Variants in RBFOX2 observed in about 807,000 individuals in gnomAD.
RBFOX2 encodes RNA binding protein fox-1 homolog 2.
A neutral mutation model predicts 49.1 loss-of-function variants in RBFOX2; 10 were observed. The observed-to-expected ratio is 0.20, with a 90% CI of 0.13 to 0.35. The LOEUF (loss-of-function observed/expected upper bound fraction) is 0.35, where lower values mean the gene tolerates loss of function less well. RBFOX2 is among the 10% of genes least tolerant of loss of function. RBFOX2 has a pLI of 1.00. For missense variants in RBFOX2, 323 were observed against 486.9 expected (o/e 0.66, Z 3.17); for synonymous variants, 183 against 187.4 (o/e 0.98, Z 0.19).
At position 35,979,272 on chromosome 22, in the gene RBFOX2, T is replaced by A. The variant is rs143694235; in HGVS notation, c.187-40375A>T. ...CAGGCTGAAGAGGTCTGAGGCGACA[T>A]GCAACTAAATGCAACGCATATTCCT... On this transcript the variant is annotated intron_variant, in intron 1 of 13. Coordinates refer to the RBFOX2 transcript ENST00000438146. 1.8e-3 allele frequency among the ~76,000 whole-genome samples: 276 copies of A among 152,278 alleles called. 3 individuals are homozygous for A. Among genetic ancestry groups the A allele is most frequent in the African/African-American group, 6.4e-3 (265 of 41,542 alleles).
chr22:36,024,036 A>T (rs564591343), intron 1 of RBFOX2, among the ~76,000 whole-genome samples: 1 of 152,236 alleles, frequency 6.6e-6, no homozygotes, highest in Non-Finnish European at 1.5e-5. Context: ...TTTAGTAAGC[A>T]GCCTTGGGAA....
At chr22:35,937,557 AGTTTTTGTTTTTTTGTAGTTGTT>A (rs1290694299) in intron 1 of RBFOX2, among the ~76,000 whole-genome samples, 9 of 151,916 alleles carry the variant, frequency 5.9e-5, no homozygotes, top group Non-Finnish European at 1.0e-4. Context: ...CAACCATCCT[AGTTTTTGTTTTTTTGTAGTTGTT>A]GTTTTTGTTT....
intron 1 of RBFOX2, among the ~76,000 whole-genome samples, chr22:35,937,407 G>A (rs2053210795): frequency 6.6e-6 from 1 of 152,144 alleles, no homozygotes; most frequent in South Asian, 2.1e-4. Flanking sequence ...CTCAGTAGGG[G>A]ATGAACACAG....
chr22:35,831,272 T>C, intron 1 of RBFOX2, among the ~76,000 whole-genome samples: 1 of 152,104 alleles, frequency 6.6e-6, no homozygotes, highest in East Asian at 1.9e-4. Context: ...TGAAATCCTG[T>C]CTCTACTAAA....
At chr22:35,791,044 C>A (rs1947504984) in intron 2 of RBFOX2, among the ~76,000 whole-genome samples, 2 of 151,414 alleles carry the variant, frequency 1.3e-5, no homozygotes, top group Non-Finnish European at 2.9e-5. Context: ...ACAAAAAAAG[C>A]AAGCAAGGAA....
chr22:36,019,630 G>C (rs572929991), intron 1 of RBFOX2, among the ~76,000 whole-genome samples: 2 of 152,290 alleles, frequency 1.3e-5, no homozygotes, highest in Admixed American at 1.3e-4. Context: ...TTTGGTAAAT[G>C]GAGAAGCCAG....
intron 4 of RBFOX2, among the ~76,000 whole-genome samples, chr22:35,776,595 A>G (rs1264574863): frequency 6.6e-6 from 1 of 152,232 alleles, no homozygotes; most frequent in Non-Finnish European, 1.5e-5. Context: ...GGAGTATGAA[A>G]TTGGAGAGGT....
chr22:35,880,024 C>T (rs1015719470), intron 1 of RBFOX2, among the ~76,000 whole-genome samples: 1 of 152,100 alleles, frequency 6.6e-6, no homozygotes, highest in African/African-American at 2.4e-5. Context: ...GGCATGGTGG[C>T]GCATACCTGT....
intron 4 of RBFOX2, among the ~76,000 whole-genome samples, chr22:35,773,205 A>C (rs1404845087): frequency 6.6e-6 from 1 of 152,052 alleles, no homozygotes; most frequent in Non-Finnish European, 1.5e-5. Flanking sequence ...TTTTGATAAT[A>C]TTTTGAAAGA....
At chr22:35,979,414 T>A (rs1800334955) in intron 1 of RBFOX2, among the ~76,000 whole-genome samples, 1 of 152,194 alleles carries the variant, frequency 6.6e-6, no homozygotes, top group African/African-American at 2.4e-5. Context: ...GATTTGGAGA[T>A]CTCTGCCAGT....
intron 4 of RBFOX2, among the ~76,000 whole-genome samples, chr22:35,768,838 T>A (rs1379132229): frequency 2.0e-5 from 3 of 152,176 alleles, no homozygotes; most frequent in Non-Finnish European, 2.9e-5. Context: ...CATTGCATAA[T>A]GAGATTTTTT....
intron 6 of RBFOX2, among the ~76,000 whole-genome samples, chr22:35,761,854 T>A (rs920048636): frequency 5.3e-5 from 8 of 152,244 alleles, no homozygotes; most frequent in Admixed American, 1.3e-4. Flanking sequence ...CATGCTGTGA[T>A]GCATTTTCTC....
At chr22:35,850,347 C>A (rs1428249118) in intron 1 of RBFOX2, among the ~76,000 whole-genome samples, 1 of 152,044 alleles carries the variant, frequency 6.6e-6, no homozygotes, top group African/African-American at 2.4e-5. Flanking sequence ...GTAAGGGGAT[C>A]CCTTTCATGA....
chr22:35,885,343 T>C (rs992176869), intron 1 of RBFOX2, among the ~76,000 whole-genome samples: 2 of 152,174 alleles, frequency 1.3e-5, no homozygotes, highest in African/African-American at 4.8e-5. Context: ...TTTCAAGTAC[T>C]GTACAAGAAG....
intron 9 of RBFOX2, among the ~76,000 whole-genome samples, chr22:35,755,807 A>G (rs139279482): frequency 6.6e-6 from 1 of 152,236 alleles, no homozygotes; most frequent in Non-Finnish European, 1.5e-5. Context: ...TAAATTAATG[A>G]TCCACAGAAC....
intron 1 of RBFOX2, among the ~76,000 whole-genome samples, chr22:35,974,740 G>T (rs1270743296): frequency 6.6e-6 from 1 of 151,920 alleles, no homozygotes; most frequent in East Asian, 1.9e-4. Flanking sequence ...ACAGAAAGAC[G>T]CCACAATCCT....
chr22:35,991,135 C>T (rs138108351), intron 1 of RBFOX2, among the ~76,000 whole-genome samples: 2 of 151,866 alleles, frequency 1.3e-5, no homozygotes, highest in Non-Finnish European at 2.9e-5. Context: ...AAAAACCCAC[C>T]CACTAGAAGG....
At chr22:36,020,091 C>T (rs2059184743) in intron 1 of RBFOX2, among the ~76,000 whole-genome samples, 1 of 152,038 alleles carries the variant, frequency 6.6e-6, no homozygotes, top group Admixed American at 6.6e-5. Flanking sequence ...GAAATAATAC[C>T]ACACATCTAC....
chr22:35,805,503 G>A (rs117619743), intron 2 of RBFOX2, among the ~76,000 whole-genome samples: 1 of 152,212 alleles, frequency 6.6e-6, no homozygotes, highest in East Asian at 1.9e-4. Flanking sequence ...TGGAGCAGCA[G>A]GAACTCTCAT....
Sources: allele counts gnomAD v4.1 joint callset (sites outside exome capture counted in the v4.1 genomes callset), GRCh38; gene constraint gnomAD v4.1.1; transcripts MANE v1.5; gene names NCBI Gene and HGNC (gene_info 2026-07-23, HGNC 2026-07-21).